DNAJC24: variants seen among roughly 807,000 people sequenced by gnomAD.
The protein encoded by DNAJC24 is DnaJ heat shock protein family (Hsp40) member C24, also known as dnaJ homolog subfamily C member 24.
A neutral mutation model predicts 18.0 loss-of-function variants in DNAJC24; 17 were observed. That is an observed-to-expected ratio of 0.94 (90% CI 0.65 to 1.42). The LOEUF is 1.42. Among genes scored for constraint, DNAJC24 ranks in the 40% most tolerant of loss-of-function variants. The pLI is 0.00. For synonymous variants in DNAJC24, 55 were observed against 57.7 expected (o/e 0.95, Z 0.21); for missense variants, 158 against 175.6 (o/e 0.90, Z 0.57).
intron 2 of DNAJC24, among the ~76,000 whole-genome samples, chr11:31,394,163 T>C (rs777666043): frequency 1.3e-5 from 2 of 152,144 alleles, no homozygotes; most frequent in African/African-American, 2.4e-5. Flanking sequence ...AACCAACACT[T>C]ACTACACTAA....
At chr11:31,385,893 T>C (rs534423536) in intron 2 of DNAJC24, among the ~76,000 whole-genome samples, 47 of 151,924 alleles carry the variant, frequency 3.1e-4, no homozygotes, top group Non-Finnish European at 6.8e-4. Flanking sequence ...CTCTCCCCCA[T>C]CCCCCTGCAG....
At chr11:31,384,878 T>A (rs1266341286) in intron 2 of DNAJC24, 3 of 152,156 alleles carry the variant, frequency 2.0e-5, no homozygotes, top group African/African-American at 7.2e-5. Flanking sequence ...ATAAGCATAT[T>A]AGATACTTAA....
chr11:31,378,083 C>T (rs947464518), intron 2 of DNAJC24, among the ~76,000 whole-genome samples: 12 of 151,832 alleles, frequency 7.9e-5, no homozygotes, highest in Non-Finnish European at 1.5e-4. Context: ...AAAATTACCA[C>T]GTTGGAAAAG....
At chr11:31,408,240 C>T (rs940558286) in intron 2 of DNAJC24, 4 of 454,952 alleles carry the variant, frequency 8.8e-6, no homozygotes, top group African/African-American at 2.0e-5. Flanking sequence ...TCAAGGCAAA[C>T]AGTGTGCTTC....
intron 3 of DNAJC24, among the ~76,000 whole-genome samples, chr11:31,420,177 T>A (rs1952789992): frequency 6.6e-6 from 1 of 152,028 alleles, no homozygotes; most frequent in Non-Finnish European, 1.5e-5. Context: ...TAATGTGAAT[T>A]TTATCCCCTG....
chr11:31,391,510 T>G (rs966016102), intron 2 of DNAJC24, among the ~76,000 whole-genome samples: 1 of 152,212 alleles, frequency 6.6e-6, no homozygotes, highest in African/African-American at 2.4e-5. Flanking sequence ...AGTTGTTCAA[T>G]CAACATCATT....
In DNAJC24 at chr11:31,415,043, CAA is replaced by C. The variant is rs1019111596; in HGVS notation, c.250+95_250+96del. The C allele has an allele frequency of 5.0e-6, 7 of 1,388,842 alleles. No individual in the cohort carries two copies. In the African/African-American group the frequency reaches 1.0e-4, roughly 20 times the overall value. 86.0% of individuals were successfully genotyped at this position (1,388,842 alleles called of 1,614,324 possible). On this transcript the variant is annotated intron_variant, in intron 3 of 4. Coordinates refer to ENST00000465995, the MANE Select transcript of DNAJC24 (RefSeq NM_181706.5). Reference sequence around the variant, plus strand: ...GGGGAGCATTTTCCAGCATTTGCACCAAGTGTTATTGTTGCCTTTATTCCTCC... The same window carrying C: ...GGGGAGCATTTTCCAGCATTTGCACCGTGTTATTGTTGCCTTTATTCCTCC...
chr11:31,402,406 T>C (rs1952608508), intron 2 of DNAJC24, among the ~76,000 whole-genome samples: 1 of 152,228 alleles, frequency 6.6e-6, no homozygotes, highest in Admixed American at 6.5e-5. Flanking sequence ...TACACTATTG[T>C]AGACTTTATA....
At chr11:31,428,689 T>C (rs1952889645) in intron 4 of DNAJC24, among the ~76,000 whole-genome samples, 1 of 152,192 alleles carries the variant, frequency 6.6e-6, no homozygotes, top group East Asian at 1.9e-4. Context: ...TGTTCAGATA[T>C]TGAAGCTAAT....
intron 2 of DNAJC24, among the ~76,000 whole-genome samples, chr11:31,397,453 GT>G (rs1289557745): frequency 6.7e-6 from 1 of 148,966 alleles, no homozygotes; most frequent in Non-Finnish European, 1.5e-5. Flanking sequence ...GCAGTAGTGT[GT>G]TGTACTTGAC....
intron 2 of DNAJC24, among the ~76,000 whole-genome samples, chr11:31,374,470 T>G (rs1213502371): frequency 7.4e-6 from 1 of 134,638 alleles, no homozygotes; most frequent in African/African-American, 2.5e-5. Context: ...GAAGCATTAT[T>G]ATATTTATAC....
chr11:31,413,609 A>G lies in DNAJC24; in HGVS notation c.112-1202A>G, dbSNP rs571596976. ...GGCCTCCCTAAGTGCTGGTATTACA[A>G]GCGTGAGCCACTGCACCCGGCCATA... On this transcript the variant is annotated intron_variant, in intron 2 of 4. Coordinates refer to ENST00000465995, the MANE Select transcript of DNAJC24 (RefSeq NM_181706.5). Among the ~76,000 whole-genome samples the G allele has an allele frequency of 7.6e-4, 115 of 152,124 alleles. 1 individual carries two copies. Among genetic ancestry groups the G allele is most frequent in the Non-Finnish European group, 1.3e-3 (91 of 67,972 alleles).
intron 3 of DNAJC24, among the ~76,000 whole-genome samples, chr11:31,421,045 A>G (rs1952799124): frequency 6.6e-6 from 1 of 152,152 alleles, no homozygotes; most frequent in African/African-American, 2.4e-5. Context: ...CAGTGTGGAA[A>G]GCCTTGTAAT....
At chr11:31,387,436 G>A (rs1034648319) in intron 2 of DNAJC24, among the ~76,000 whole-genome samples, 1 of 152,122 alleles carries the variant, frequency 6.6e-6, no homozygotes, top group South Asian at 2.1e-4. Flanking sequence ...GAAAATAAGG[G>A]AAGAGTACAA....
intron 2 of DNAJC24, among the ~76,000 whole-genome samples, chr11:31,380,063 C>A (rs1209369592): frequency 3.3e-5 from 5 of 152,188 alleles, no homozygotes; most frequent in Non-Finnish European, 7.3e-5. Context: ...AGCCACTGTG[C>A]CCGGCTGAAA....
intron 2 of DNAJC24, among the ~76,000 whole-genome samples, chr11:31,400,424 A>C (rs1040568249): frequency 1.3e-5 from 2 of 152,210 alleles, no homozygotes; most frequent in Admixed American, 6.5e-5. Context: ...AGTCAGGACA[A>C]TCCTAAGCAA....
At position 31,432,374 on chromosome 11, in the gene DNAJC24, C is replaced by T; in HGVS notation, c.*1973C>T. ...CAGAATGTGTGTTGAATATTCTTTACATTTAACAATTAAAAACAACTAAAA... is the reference window on the plus strand; with the variant it reads ...CAGAATGTGTGTTGAATATTCTTTATATTTAACAATTAAAAACAACTAAAA... On this transcript the variant is annotated 3_prime_UTR_variant, in exon 5 of 5. Coordinates refer to ENST00000465995, the MANE Select transcript of DNAJC24 (RefSeq NM_181706.5). The T allele has an allele frequency of 1.6e-6, 1 of 621,046 alleles. No individual in the cohort carries two copies. The highest frequency in any genetic ancestry group is 2.8e-6 in the Non-Finnish European group (1 of 356,432). The allele number at this position is 621,046 out of a possible 1,614,324, so 38.5% of individuals were successfully genotyped here.
At chr11:31,391,296 A>G (rs1952493271) in intron 2 of DNAJC24, among the ~76,000 whole-genome samples, 1 of 152,204 alleles carries the variant, frequency 6.6e-6, no homozygotes, top group South Asian at 2.1e-4. Flanking sequence ...CTGGAACATG[A>G]CAAAGATCCC....
intron 2 of DNAJC24, among the ~76,000 whole-genome samples, chr11:31,414,483 GT>G (rs1738625623): frequency 6.6e-6 from 1 of 152,146 alleles, no homozygotes; most frequent in Admixed American, 6.6e-5. Context: ...TGTCCTGCTT[GT>G]CTGCACGTAC....
Sources: allele counts gnomAD v4.1 joint callset (sites outside exome capture counted in the v4.1 genomes callset), GRCh38; gene constraint gnomAD v4.1.1; transcripts MANE v1.5; gene names NCBI Gene and HGNC (gene_info 2026-07-23, HGNC 2026-07-21).